Variants in KDM4B observed in about 807,000 individuals in gnomAD.
The protein encoded by KDM4B is lysine demethylase 4B.
KDM4B carries 32 observed loss-of-function variants against 125.2 expected under a neutral mutation model. The observed-to-expected ratio is 0.26, with a 90% CI of 0.19 to 0.34. The LOEUF is 0.34. Among genes scored for constraint, KDM4B ranks in the 10% least tolerant of loss-of-function variants. The pLI, the probability that KDM4B is intolerant of heterozygous loss-of-function variation, is 1.00. For synonymous variants in KDM4B, 721 were observed against 677.9 expected (o/e 1.06, Z -0.99); for missense variants, 1,190 against 1,577.7 (o/e 0.75, Z 4.16).
rs750575481 is a variant in KDM4B at position 5,119,845 on chromosome 19, C to T, written c.1308C>T (p.Gly436=). ...TGCCACACGGCCGGGAGGCCGAGGG[C>T]GCAGAAGGTCAGTCCCTGCCGGGCC... ...QPLPHGREAE[G]AEEDGRGKLR... The change falls in exon 11 of 23, where the codon GGC becomes GGT. Residue 436 remains glycine, a synonymous_variant. Coordinates refer to ENST00000159111, the MANE Select transcript of KDM4B (RefSeq NM_015015.3). 151 of 1,546,264 alleles carry T rather than the reference C, an allele frequency of 9.8e-5. No individual in the cohort carries two copies. The African/African-American group carries it at 1.7e-3, about 17-fold the overall frequency.
At chr19:5,051,884 T>C (rs1286530640) in intron 6 of KDM4B, among the ~76,000 whole-genome samples, 1 of 152,182 alleles carries the variant, frequency 6.6e-6, no homozygotes, top group African/African-American at 2.4e-5. Context: ...CCTCAGGGGA[T>C]CGCTCCGCCC....
chr19:4,971,354 C>A lies in KDM4B; in HGVS notation c.-109+2124C>A, dbSNP rs1599323857. On this transcript the variant is annotated intron_variant, in intron 1 of 22. Transcript: ENST00000159111. This position sits in a 1 kb window ranked among gnomAD's most constrained non-coding sequence, Gnocchi z 4.1. ...AGGAGCCCTCTGGGGTGGCCAGGGG[C>A]CGTCCTCTGTGTCCTTCTCTCCCAC... Among the ~76,000 whole-genome samples the A allele has an allele frequency of 6.6e-6, 1 of 152,242 alleles. No homozygotes were observed. The highest frequency in any genetic ancestry group is 6.5e-5 in the Admixed American group (1 of 15,298).
chr19:5,147,133 A>G (rs1442962436), intron 21 of KDM4B, among the ~76,000 whole-genome samples: 3 of 152,026 alleles, frequency 2.0e-5, no homozygotes, highest in African/African-American at 7.2e-5. Context: ...CTAGAACACC[A>G]TGGAAGTTTA....
At chr19:4,998,624 CA>C (rs894412035) in intron 1 of KDM4B, among the ~76,000 whole-genome samples, 3 of 152,150 alleles carry the variant, frequency 2.0e-5, no homozygotes, top group African/African-American at 7.2e-5. Context: ...CTGATAAAAT[CA>C]AATCTACAGA....
At chr19:5,037,176 C>T (rs1290272230) in intron 3 of KDM4B, among the ~76,000 whole-genome samples, 4 of 152,340 alleles carry the variant, frequency 2.6e-5, no homozygotes, top group South Asian at 2.1e-4. Flanking sequence ...ACGGCTTCCC[C>T]TCGGCCAGCG....
chr19:5,021,305 T>C (rs2036112670), intron 2 of KDM4B, among the ~76,000 whole-genome samples: 1 of 151,970 alleles, frequency 6.6e-6, no homozygotes, highest in Non-Finnish European at 1.5e-5. Flanking sequence ...AAACAAATAC[T>C]AGGCTGGGCA....
At chr19:5,085,790 G>C (rs958779346) in intron 9 of KDM4B, among the ~76,000 whole-genome samples, 2 of 152,222 alleles carry the variant, frequency 1.3e-5, no homozygotes, top group Non-Finnish European at 2.9e-5. Context: ...CCGTCGGGGG[G>C]GTCGGTGGCT....
rs368842866 is a variant in KDM4B at position 5,039,847 on chromosome 19, G to A, written c.153G>A (p.Pro51=). 9.3e-6 allele frequency: 15 copies of A among 1,612,456 alleles called. No homozygotes were observed. Among genetic ancestry groups the A allele is most frequent in the African/African-American group, 8.0e-5 (6 of 74,904 alleles). ...HRAGLAKIIP[P]KEWKPRQTYD... ...TCTTGGTCTTGCAGATCATCCCCCC[G>A]AAGGAGTGGAAGCCGCGGCAGACGT... The change falls in exon 4 of 23, where the codon CCG becomes CCA. Residue 51 remains proline (P), a synonymous_variant. Coordinates refer to ENST00000159111, the MANE Select transcript of KDM4B (RefSeq NM_015015.3).
intron 1 of KDM4B, among the ~76,000 whole-genome samples, chr19:4,987,790 A>C (rs1308810550): frequency 6.6e-6 from 1 of 151,304 alleles, no homozygotes; most frequent in Admixed American, 6.6e-5. Flanking sequence ...CTGTCGGGAA[A>C]CTCCAGGCGT....
At chr19:5,043,434 TG>T (rs61559640) in intron 5 of KDM4B, among the ~76,000 whole-genome samples, 1 of 134,136 alleles carries the variant, frequency 7.5e-6, no homozygotes, top group African/African-American at 3.0e-5. Context: ...TTTATCGGAG[TG>T]GGGTGTCAAC....
rs1363398619 is a variant in KDM4B at position 5,144,695 on chromosome 19, C to T, written c.2902-88C>T. 6 of 1,550,340 alleles carry T rather than the reference C, an allele frequency of 3.9e-6. No homozygotes were observed. In the East Asian group the frequency reaches 1.1e-4, roughly 29 times the overall value. ...TTGGGGCTTCAGGCAGAGAACCTCA[C>T]TTGCCAGCGCGGAGAGGGTCTAAAA... On this transcript the variant is annotated intron_variant, in intron 20 of 22. Transcript: ENST00000159111.
At chr19:5,073,377 C>T (rs2038007291) in intron 7 of KDM4B, among the ~76,000 whole-genome samples, 1 of 152,260 alleles carries the variant, frequency 6.6e-6, no homozygotes, top group Admixed American at 6.5e-5. Context: ...GCCAGCAGCC[C>T]CGGTGGGGAG....
intron 9 of KDM4B, among the ~76,000 whole-genome samples, chr19:5,085,053 A>G (rs1568286344): frequency 6.6e-6 from 1 of 152,138 alleles, no homozygotes; most frequent in Non-Finnish European, 1.5e-5. Context: ...TGGAGGCAGC[A>G]TAGGTGGCCT....
At chr19:5,059,497 G>A (rs888291213) in intron 6 of KDM4B, among the ~76,000 whole-genome samples, 3 of 152,196 alleles carry the variant, frequency 2.0e-5, no homozygotes, top group African/African-American at 4.8e-5. Flanking sequence ...AGCCCAGCCC[G>A]GGTCCCCGAG....
chr19:5,148,599 G>T (rs953937613), intron 21 of KDM4B, among the ~76,000 whole-genome samples: 3 of 152,208 alleles, frequency 2.0e-5, no homozygotes, highest in African/African-American at 7.2e-5. Context: ...AAGGCAGCAG[G>T]TGGGCCCTGG....
chr19:5,034,874 T>TG (rs1006880730), intron 3 of KDM4B, among the ~76,000 whole-genome samples: 1 of 152,192 alleles, frequency 6.6e-6, no homozygotes, highest in Non-Finnish European at 1.5e-5. Context: ...GCTGGGGTGC[T>TG]GGGGTGCAGT....
At chr19:4,978,634 C>T (rs931876290) in intron 1 of KDM4B, among the ~76,000 whole-genome samples, 9 of 152,060 alleles carry the variant, frequency 5.9e-5, no homozygotes, top group Admixed American at 4.6e-4. Context: ...TCCTGCGTAC[C>T]CCAAAGGCAG....
chr19:5,108,007 C>T (rs1371661961), intron 9 of KDM4B, among the ~76,000 whole-genome samples: 1 of 152,236 alleles, frequency 6.6e-6, no homozygotes, highest in Non-Finnish European at 1.5e-5. Context: ...CTGGCACCAG[C>T]AGCTTTGTCC....
chr19:5,109,593 T>C (rs1179963895), intron 9 of KDM4B, among the ~76,000 whole-genome samples: 1 of 152,188 alleles, frequency 6.6e-6, no homozygotes, highest in Non-Finnish European at 1.5e-5. Flanking sequence ...GGGTGTTTGC[T>C]CAATTCCCCC....
Sources: allele counts gnomAD v4.1 joint callset (sites outside exome capture counted in the v4.1 genomes callset), GRCh38; gene constraint gnomAD v4.1.1; non-coding constraint Gnocchi (gnomAD v3.1); transcripts MANE v1.5; gene names NCBI Gene and HGNC (gene_info 2026-07-23, HGNC 2026-07-21).